DCDC1: variants seen among roughly 807,000 people sequenced by gnomAD.
DCDC1 encodes doublecortin domain-containing protein 1.
A neutral mutation model predicts 178.3 loss-of-function variants in DCDC1; 200 were observed. That is an observed-to-expected ratio of 1.12 (90% CI 1.00 to 1.26). The LOEUF is 1.26. DCDC1 is among the 50% of genes most tolerant of loss of function. The pLI, the probability that DCDC1 is intolerant of heterozygous loss-of-function variation, is 0.00. For missense variants in DCDC1, 1,983 were observed against 1,749.2 expected (o/e 1.13, Z -2.38); for synonymous variants, 690 against 604.8 (o/e 1.14, Z -2.07).
intron 18 of DCDC1, among the ~76,000 whole-genome samples, chr11:31,074,793 T>C (rs920189776): frequency 2.6e-5 from 4 of 152,094 alleles, no homozygotes; most frequent in African/African-American, 9.7e-5. Context: ...CTGTGAGAGT[T>C]TGAAAAAGCA....
At chr11:31,114,479 G>T (rs176373) in intron 11 of DCDC1, among the ~76,000 whole-genome samples, 45,637 of 151,968 alleles carry the variant, frequency 0.3, 8,315 homozygotes, top group East Asian at 0.63. Context: ...GAGTGTGATG[G>T]ATGTGCTGGT....
At chr11:31,359,250 A>G (rs955964967) in intron 1 of DCDC1, among the ~76,000 whole-genome samples, 1 of 152,200 alleles carries the variant, frequency 6.6e-6, no homozygotes, top group African/African-American at 2.4e-5. Flanking sequence ...AATACTATGC[A>G]GCCATAAAAA....
intron 1 of DCDC1, among the ~76,000 whole-genome samples, chr11:31,355,334 C>T (rs1006852255): frequency 1.3e-5 from 2 of 152,096 alleles, no homozygotes; most frequent in African/African-American, 4.8e-5. Context: ...TGGAAAGAGG[C>T]CTCACTGGGG....
At chr11:31,153,375 C>T (rs763462339) in intron 9 of DCDC1, among the ~76,000 whole-genome samples, 1 of 152,174 alleles carries the variant, frequency 6.6e-6, no homozygotes, top group Non-Finnish European at 1.5e-5. Context: ...TCAAAATCTA[C>T]TCTTCAAACC....
intron 20 of DCDC1, among the ~76,000 whole-genome samples, chr11:31,055,650 A>G (rs1025914481): frequency 5.9e-5 from 9 of 152,224 alleles, no homozygotes; most frequent in Non-Finnish European, 1.0e-4. Context: ...GTTTATTTAT[A>G]TGATGGAATA....
chr11:31,238,420 C>T (rs1976708979), intron 9 of DCDC1, among the ~76,000 whole-genome samples: 1 of 152,036 alleles, frequency 6.6e-6, no homozygotes, highest in Non-Finnish European at 1.5e-5. Flanking sequence ...GTAGTGCAGC[C>T]TTGTGTTTTG....
intron 9 of DCDC1, among the ~76,000 whole-genome samples, chr11:31,232,858 G>A (rs1161711660): frequency 6.6e-6 from 1 of 152,124 alleles, no homozygotes; most frequent in Non-Finnish European, 1.5e-5. Context: ...AGAAGCTGAG[G>A]TGGGCAGATC....
chr11:31,212,778 T>A (rs958775161), intron 9 of DCDC1, among the ~76,000 whole-genome samples: 1 of 152,188 alleles, frequency 6.6e-6, no homozygotes, highest in African/African-American at 2.4e-5. Context: ...TTTCAGTAAT[T>A]CTAATTTTAG....
At chr11:30,931,994 G>C in intron 21 of DCDC1, 42 bp from the exon 22 acceptor site, 2 of 1,539,168 alleles carry the variant, frequency 1.3e-6, no homozygotes, top group Non-Finnish European at 1.7e-6. Flanking sequence ...AAATACAGAA[G>C]AAGGGTCATG....
At chr11:31,155,512 G>T (rs1252469251) in intron 9 of DCDC1, among the ~76,000 whole-genome samples, 1 of 152,168 alleles carries the variant, frequency 6.6e-6, no homozygotes, top group Non-Finnish European at 1.5e-5. Context: ...TATGTCACAT[G>T]TACAGAATTT....
intron 20 of DCDC1, among the ~76,000 whole-genome samples, chr11:30,977,195 T>C (rs74721361): frequency 0.024 from 3,554 of 151,090 alleles, 151 homozygotes; most frequent in African/African-American, 0.084. Context: ...TTGGGGATTG[T>C]GGGGGATGAA....
intron 9 of DCDC1, among the ~76,000 whole-genome samples, chr11:31,143,141 A>G (rs893442496): frequency 1.3e-5 from 2 of 152,204 alleles, no homozygotes; most frequent in African/African-American, 4.8e-5. Flanking sequence ...ATAATGGCCA[A>G]ATGGACACAT....
At chr11:31,216,412 T>C (rs1330070730) in intron 9 of DCDC1, among the ~76,000 whole-genome samples, 1 of 152,172 alleles carries the variant, frequency 6.6e-6, no homozygotes, top group Non-Finnish European at 1.5e-5. Context: ...GCTGAGATAC[T>C]ACTCTGCACT....
chr11:31,193,715 A>T (rs936789890), intron 9 of DCDC1, among the ~76,000 whole-genome samples: 2 of 152,038 alleles, frequency 1.3e-5, no homozygotes, highest in African/African-American at 2.4e-5. Context: ...GGACCATCAC[A>T]CCAGATGTTG....
chr11:30,977,240 GA>G, intron 20 of DCDC1, among the ~76,000 whole-genome samples: 1 of 151,734 alleles, frequency 6.6e-6, no homozygotes, highest in East Asian at 1.9e-4. Context: ...CATATAGTTA[GA>G]AGGAATAAGT....
At chr11:31,004,202 A>T (rs1302233879) in intron 20 of DCDC1, among the ~76,000 whole-genome samples, 1 of 152,230 alleles carries the variant, frequency 6.6e-6, no homozygotes, top group Admixed American at 6.5e-5. Flanking sequence ...AGTTTTATGC[A>T]CAAATGGAAC....
chr11:31,284,055 C>G (rs1164127750), intron 7 of DCDC1, among the ~76,000 whole-genome samples: 1 of 151,724 alleles, frequency 6.6e-6, no homozygotes, highest in East Asian at 2.0e-4. Context: ...CTCACTTCAA[C>G]TTTTCCCCTT....
intron 20 of DCDC1, among the ~76,000 whole-genome samples, chr11:31,028,960 T>C (rs1341465175): frequency 6.6e-6 from 1 of 152,076 alleles, no homozygotes; most frequent in East Asian, 1.9e-4. Context: ...AAGCTAAGTA[T>C]GACCTGCCTC....
chr11:31,254,341 C>G (rs1276618303), intron 8 of DCDC1, among the ~76,000 whole-genome samples: 1 of 152,080 alleles, frequency 6.6e-6, no homozygotes, highest in Non-Finnish European at 1.5e-5. Flanking sequence ...TGAGCAAGAT[C>G]ACATAGTGAA....
Sources: allele counts gnomAD v4.1 joint callset (sites outside exome capture counted in the v4.1 genomes callset), GRCh38; gene constraint gnomAD v4.1.1; transcripts MANE v1.5; gene names NCBI Gene and HGNC (gene_info 2026-07-23, HGNC 2026-07-21).